Variants in FHOD3 observed in about 807,000 individuals in gnomAD.
The protein encoded by FHOD3 is formin homology 2 domain containing 3.
Under a neutral mutation model 173.0 loss-of-function variants are expected in FHOD3, and 90 were observed. The observed-to-expected ratio is 0.52, with a 90% CI of 0.44 to 0.62. The LOEUF is 0.62. Ranked by LOEUF, FHOD3 falls within the 20% of genes least tolerant of loss-of-function variation. FHOD3 has a pLI of 0.00. For missense variants in FHOD3, 1,945 were observed against 2,034.7 expected, an observed-to-expected ratio of 0.96 and a Z score of 0.85; for synonymous variants, 828 against 823.0, an observed-to-expected ratio of 1.01 and a Z score of -0.10.
intron 10 of FHOD3, among the ~76,000 whole-genome samples, chr18:36,633,060 T>C (rs544736853): frequency 2.6e-5 from 4 of 152,364 alleles, no homozygotes; most frequent in Non-Finnish European, 4.4e-5. Flanking sequence ...GCTGTCCGCA[T>C]GCGCAGTGCC....
intron 27 of FHOD3, among the ~76,000 whole-genome samples, chr18:36,761,575 T>A (rs1354720639): frequency 6.6e-6 from 1 of 152,138 alleles, no homozygotes; most frequent in Non-Finnish European, 1.5e-5. Flanking sequence ...ACGCTGCTCG[T>A]CCTAGAGTCC....
chr18:36,467,720 G>GCA (rs993047867), intron 3 of FHOD3, among the ~76,000 whole-genome samples: 45 of 152,188 alleles, frequency 3.0e-4, no homozygotes, highest in African/African-American at 1.0e-3. Flanking sequence ...GAAGTGCTTG[G>GCA]CACACACACG....
chr18:36,472,563 C>T (rs567964490), intron 3 of FHOD3, among the ~76,000 whole-genome samples: 1 of 152,296 alleles, frequency 6.6e-6, no homozygotes, highest in South Asian at 2.1e-4. Context: ...AGTCACTCCT[C>T]ATCCCCATCT....
intron 10 of FHOD3, among the ~76,000 whole-genome samples, chr18:36,638,549 G>A (rs1260592498): frequency 6.6e-6 from 1 of 152,170 alleles, no homozygotes; most frequent in Non-Finnish European, 1.5e-5. Context: ...TGGCAGCAGG[G>A]ACATAGGTCG....
At chr18:36,456,771 A>G (rs2052243285) in intron 3 of FHOD3, among the ~76,000 whole-genome samples, 1 of 152,062 alleles carries the variant, frequency 6.6e-6, no homozygotes, top group Non-Finnish European at 1.5e-5. Flanking sequence ...TACACACCTC[A>G]GCTCTTGCCT....
intron 2 of FHOD3, among the ~76,000 whole-genome samples, chr18:36,361,521 C>T (rs1163451648): frequency 5.3e-5 from 8 of 151,798 alleles, no homozygotes; most frequent in Non-Finnish European, 1.2e-4. Context: ...GCTGTCTCTA[C>T]TAAAAATACA....
intron 1 of FHOD3, among the ~76,000 whole-genome samples, chr18:36,310,701 A>T (rs573815102): frequency 6.6e-6 from 1 of 151,224 alleles, no homozygotes; most frequent in South Asian, 2.1e-4. Context: ...AAAAAAAAAA[A>T]GAAAAGAAAA....
At chr18:36,483,767 A>AT (rs1422579158) in intron 3 of FHOD3, among the ~76,000 whole-genome samples, 1 of 152,198 alleles carries the variant, frequency 6.6e-6, no homozygotes, top group Non-Finnish European at 1.5e-5. Flanking sequence ...TCGGAGAAGC[A>AT]TTTTGTCATC....
chr18:36,517,134 G>C (rs969331920), intron 5 of FHOD3, among the ~76,000 whole-genome samples: 1 of 152,162 alleles, frequency 6.6e-6, no homozygotes, highest in Non-Finnish European at 1.5e-5. Flanking sequence ...ACTGTACAAC[G>C]TGGAGGAATA....
intron 3 of FHOD3, among the ~76,000 whole-genome samples, chr18:36,485,277 A>G (rs1288328611): frequency 6.6e-6 from 1 of 152,172 alleles, no homozygotes; most frequent in African/African-American, 2.4e-5. Context: ...TGGTGTTAGA[A>G]TGGTATGCTC....
At chr18:36,383,349 C>T (rs2047884739) in intron 3 of FHOD3, among the ~76,000 whole-genome samples, 1 of 152,190 alleles carries the variant, frequency 6.6e-6, no homozygotes, top group South Asian at 2.1e-4. Context: ...TGTGCTGCGG[C>T]TGAGTTATGT....
chr18:36,698,859 A>G lies in FHOD3; in HGVS notation c.2236+5436A>G, dbSNP rs141620762. On this transcript the variant is annotated intron_variant, in intron 17 of 28. Coordinates refer to ENST00000590592, the MANE Select transcript of FHOD3 (RefSeq NM_001281740.3). ...CCTCAGTTCCCACAGGGTGATGTGA[A>G]TAGGGCCCAGTAAAACATGCAGGCA... is the stretch of plus-strand genomic sequence containing the variant. Among the ~76,000 whole-genome samples, 317 of 152,314 alleles carry G rather than the reference A, an allele frequency of 2.1e-3. 2 individuals are homozygous for G. Among genetic ancestry groups the G allele is most frequent in the Middle Eastern group, 0.01 (3 of 294 alleles).
chr18:36,695,275 G>C (rs2039213580), intron 17 of FHOD3, among the ~76,000 whole-genome samples: 1 of 151,816 alleles, frequency 6.6e-6, no homozygotes, highest in Non-Finnish European at 1.5e-5. Flanking sequence ...TCGAACCCAG[G>C]AGGCGGAGGT....
At chr18:36,450,978 A>G (rs1276411275) in intron 3 of FHOD3, among the ~76,000 whole-genome samples, 1 of 152,256 alleles carries the variant, frequency 6.6e-6, no homozygotes, top group South Asian at 2.1e-4. Flanking sequence ...TTACATCAGA[A>G]TAATTGGTAA....
chr18:36,769,147 C>T, intron 27 of FHOD3, 118 bp from the exon 28 acceptor site: 1 of 1,209,034 alleles, frequency 8.3e-7, no homozygotes, highest in Non-Finnish European at 1.2e-6. Flanking sequence ...GGCTTTAACT[C>T]TGGCCTTCCC....
chr18:36,319,933 A>G (rs1287823019), intron 1 of FHOD3, among the ~76,000 whole-genome samples: 2 of 152,232 alleles, frequency 1.3e-5, no homozygotes, highest in South Asian at 2.1e-4. Flanking sequence ...GTTCTTTGAA[A>G]CCAATGAGGA....
intron 5 of FHOD3, among the ~76,000 whole-genome samples, chr18:36,518,279 C>T (rs1341955306): frequency 1.3e-5 from 2 of 152,198 alleles, no homozygotes; most frequent in Non-Finnish European, 2.9e-5. Context: ...TCTGCAACCT[C>T]ATGACACTGG....
intron 6 of FHOD3, among the ~76,000 whole-genome samples, chr18:36,591,938 G>A (rs939840011): frequency 8.6e-5 from 13 of 151,890 alleles, no homozygotes; most frequent in African/African-American, 3.1e-4. Context: ...AAACAAGGTG[G>A]CTGGGCACGA....
At chr18:36,579,428 G>C (rs550371735) in intron 6 of FHOD3, among the ~76,000 whole-genome samples, 4 of 152,196 alleles carry the variant, frequency 2.6e-5, no homozygotes, top group Non-Finnish European at 5.9e-5. Context: ...GCAAGGTTAG[G>C]GAAGGTGGGA....
Sources: allele counts gnomAD v4.1 joint callset (sites outside exome capture counted in the v4.1 genomes callset), GRCh38; gene constraint gnomAD v4.1.1; transcripts MANE v1.5; gene names NCBI Gene and HGNC (gene_info 2026-07-23, HGNC 2026-07-21).